RAB43: variants seen among roughly 807,000 people sequenced by gnomAD.
The protein encoded by RAB43 is RAB43, member RAS oncogene family, also known as ras-related protein Rab-43.
In RAB43, 6 loss-of-function variants were observed where a neutral mutation model predicts 18.8. The observed-to-expected ratio is 0.32, with a 90% CI of 0.17 to 0.63. The LOEUF (loss-of-function observed/expected upper bound fraction) is 0.63. Ranked by LOEUF, RAB43 falls within the 30% of genes least tolerant of loss-of-function variation. The pLI is 0.79. For synonymous variants in RAB43, 103 were observed against 124.1 expected (o/e 0.83, Z 1.13); for missense variants, 195 against 289.1 (o/e 0.67, Z 2.36).
At position 129,091,237 on chromosome 3, in the gene RAB43, C is replaced by T. The variant is rs150708143; in HGVS notation, c.498G>A (p.Ser166=). ...TCAGGAAGGCCTCCTCCACGTTGCT[C>T]GAGTCCTTGGCAGACGTCTCAATGG... is the stretch of plus-strand genomic sequence containing the variant. ...LCAIETSAKD[S]SNVEEAFLRV... The change falls in exon 3 of 3, where the codon TCG becomes TCA. Residue 166 remains serine (S), a synonymous_variant. Coordinates refer to ENST00000315150, the MANE Select transcript of RAB43 (RefSeq NM_198490.3). The T allele has an allele frequency of 3.8e-5, 60 of 1,594,420 alleles. No homozygotes were observed. The highest frequency in any genetic ancestry group is 1.5e-4 in the African/African-American group (11 of 74,680).
intron 1 of RAB43, among the ~76,000 whole-genome samples, chr3:129,102,024 T>C (rs1195911708): frequency 1.3e-5 from 2 of 152,208 alleles, no homozygotes; most frequent in African/African-American, 4.8e-5. Flanking sequence ...TGTGTGCTCA[T>C]GCCTCCATGA....
intron 1 of RAB43, among the ~76,000 whole-genome samples, chr3:129,100,002 C>T (rs560962653): frequency 6.6e-6 from 1 of 152,080 alleles, no homozygotes; most frequent in Non-Finnish European, 1.5e-5. Context: ...ATGAAACATA[C>T]CTGGCTTAAA....
At chr3:129,108,411 A>C (rs1423389364) in intron 1 of RAB43, among the ~76,000 whole-genome samples, 1 of 152,262 alleles carries the variant, frequency 6.6e-6, no homozygotes, top group Non-Finnish European at 1.5e-5. Context: ...CAGTTACCAC[A>C]GCCACAGCAT....
At chr3:129,099,354 G>T (rs965373562) in intron 1 of RAB43, among the ~76,000 whole-genome samples, 1 of 151,148 alleles carries the variant, frequency 6.6e-6, no homozygotes, top group Non-Finnish European at 1.5e-5. Context: ...GCCTCCCAAA[G>T]TGCTGGGATT....
chr3:129,119,365 A>G (rs1180261604), intron 1 of RAB43, among the ~76,000 whole-genome samples: 2 of 152,190 alleles, frequency 1.3e-5, no homozygotes, highest in African/African-American at 2.4e-5. Context: ...CAATTGCCAG[A>G]GGCTTCCCCA....
intron 1 of RAB43, among the ~76,000 whole-genome samples, chr3:129,118,234 T>C (rs895894555): frequency 6.6e-6 from 1 of 152,234 alleles, no homozygotes; most frequent in Non-Finnish European, 1.5e-5. Flanking sequence ...TGGGCCTCTG[T>C]CTGCCTCTCC....
chr3:129,102,021 T>G (rs1320586343), intron 1 of RAB43, among the ~76,000 whole-genome samples: 2 of 152,152 alleles, frequency 1.3e-5, no homozygotes, highest in East Asian at 3.9e-4. Flanking sequence ...CACTGTGTGC[T>G]CATGCCTCCA....
intron 1 of RAB43, among the ~76,000 whole-genome samples, chr3:129,115,747 G>T (rs1935482952): frequency 6.6e-6 from 1 of 151,294 alleles, no homozygotes. Context: ...CTTGAACCTG[G>T]GAGGTGGAGG....
intron 1 of RAB43, among the ~76,000 whole-genome samples, chr3:129,121,085 C>G (rs1317148911): frequency 1.0e-5 from 1 of 98,284 alleles, no homozygotes; most frequent in Non-Finnish European, 2.1e-5. Flanking sequence ...CCCCCCCCAG[C>G]AACCCACGGC....
chr3:129,116,854 C>T (rs369008020), intron 1 of RAB43, among the ~76,000 whole-genome samples: 1 of 151,356 alleles, frequency 6.6e-6, no homozygotes, highest in Non-Finnish European at 1.5e-5. Context: ...ACATAACAGG[C>T]CTTTGTGTTG....
intron 1 of RAB43, among the ~76,000 whole-genome samples, chr3:129,113,405 C>A (rs868713996): frequency 1.3e-5 from 2 of 151,940 alleles, no homozygotes; most frequent in Non-Finnish European, 2.9e-5. Context: ...ACCACATGAT[C>A]GGCCCGCCTC....
chr3:129,108,844 A>C (rs1934954686), intron 1 of RAB43, among the ~76,000 whole-genome samples: 1 of 152,204 alleles, frequency 6.6e-6, no homozygotes, highest in Admixed American at 6.5e-5. Context: ...AGGTGATCAA[A>C]CAGGCCCCAT....
chr3:129,112,339 T>A (rs28473730), intron 1 of RAB43, among the ~76,000 whole-genome samples: 2 of 152,118 alleles, frequency 1.3e-5, no homozygotes, highest in Non-Finnish European at 2.9e-5. Context: ...CAGAATTTTT[T>A]AATTTTAAAA....
chr3:129,103,052 A>G (rs1369893471), intron 1 of RAB43, among the ~76,000 whole-genome samples: 1 of 152,210 alleles, frequency 6.6e-6, no homozygotes, highest in Non-Finnish European at 1.5e-5. Flanking sequence ...GCCTGCAGGC[A>G]GAGACCAGGA....
chr3:129,117,085 C>T (rs1328339963), intron 1 of RAB43, among the ~76,000 whole-genome samples: 1 of 152,138 alleles, frequency 6.6e-6, no homozygotes, highest in African/African-American at 2.4e-5. Context: ...ACACTGATGG[C>T]TTCTTCTTAG....
intron 1 of RAB43, among the ~76,000 whole-genome samples, chr3:129,116,048 T>C (rs1195547696): frequency 6.6e-6 from 1 of 152,206 alleles, no homozygotes; most frequent in Non-Finnish European, 1.5e-5. Flanking sequence ...TGCTGGCATA[T>C]TGTTATAACT....
At chr3:129,115,254 G>A (rs183506414) in intron 1 of RAB43, among the ~76,000 whole-genome samples, 2 of 151,510 alleles carry the variant, frequency 1.3e-5, no homozygotes, top group East Asian at 2.0e-4. Context: ...TTGGGAGGCC[G>A]AGGTGGGTAG....
At position 129,121,533 on chromosome 3, in the gene RAB43, C is replaced by T; in HGVS notation, c.-44G>A. The T allele has an allele frequency of 6.7e-7, 1 of 1,500,870 alleles. No individual in the cohort carries two copies. Among genetic ancestry groups the T allele is most frequent in the Non-Finnish European group, 9.0e-7 (1 of 1,116,400 alleles). 93.0% of individuals were successfully genotyped at this position (1,500,870 alleles called of 1,614,324 possible). A position where few individuals can be genotyped will look rare whatever the true frequency, so the allele number is the denominator to read the frequency against. ...GGGCCGGCGCTCTGGACGCTGGGAC[C>T]GGCCTGAGCTCACGCAAGCCGCGGG... On this transcript the variant is annotated 5_prime_UTR_variant, in exon 1 of 3. Coordinates refer to ENST00000315150, the MANE Select transcript of RAB43 (RefSeq NM_198490.3).
intron 2 of RAB43, chr3:129,092,738 C>T (rs767203579): frequency 3.4e-5 from 13 of 385,238 alleles, no homozygotes; most frequent in Middle Eastern, 6.8e-4. Flanking sequence ...GGGTGGATCA[C>T]GAGGTCAGGA....
Sources: gnomAD v4.1 joint callset for allele counts (sites outside exome capture counted in the v4.1 genomes callset) on GRCh38, gnomAD v4.1.1 for gene constraint, MANE v1.5 for transcripts, NCBI Gene and HGNC (gene_info 2026-07-23, HGNC 2026-07-21) for gene names.